Variants in TAFA2 observed in about 807,000 individuals in gnomAD.
TAFA2 encodes the protein TAFA chemokine like family member 2, also known as chemokine-like protein TAFA-2.
TAFA2 carries 7 observed loss-of-function variants against 18.8 expected under a neutral mutation model. That is an observed-to-expected ratio of 0.37 (90% confidence interval 0.21 to 0.70). The LOEUF (loss-of-function observed/expected upper bound fraction) is 0.70, where lower values mean the gene tolerates loss of function less well. Among genes scored for constraint, TAFA2 ranks in the 30% least tolerant of loss-of-function variants. The pLI, the probability that TAFA2 is intolerant of heterozygous loss-of-function variation, is 0.53. For missense variants in TAFA2, 122 were observed against 158.1 expected (o/e 0.77, Z 1.23); for synonymous variants, 60 against 54.2 (o/e 1.11, Z -0.47).
intron 1 of TAFA2, among the ~76,000 whole-genome samples, chr12:61,931,036 T>C (rs1877532558): frequency 6.6e-6 from 1 of 152,260 alleles, no homozygotes; most frequent in Non-Finnish European, 1.5e-5. Flanking sequence ...AGATCATTTA[T>C]TTCCTTATAT....
At chr12:61,952,535 A>C (rs376197397) in intron 1 of TAFA2, among the ~76,000 whole-genome samples, 1 of 152,116 alleles carries the variant, frequency 6.6e-6, no homozygotes, top group African/African-American at 2.4e-5. Context: ...GATCAACGCG[A>C]TAAACTTCAA....
At chr12:61,983,911 C>T (rs115109228) in intron 1 of TAFA2, among the ~76,000 whole-genome samples, 1,618 of 152,236 alleles carry the variant, frequency 0.011, 32 homozygotes, top group African/African-American at 0.037. Flanking sequence ...GAGTCTCCTG[C>T]TAATCAGTCT....
chr12:62,084,912 G>A (rs566585831), intron 1 of TAFA2, among the ~76,000 whole-genome samples: 25 of 152,212 alleles, frequency 1.6e-4, no homozygotes, highest in African/African-American at 5.8e-4. Flanking sequence ...AGCCATGCAC[G>A]GAGGTAAACA....
chr12:62,106,094 A>T (rs1869437566), intron 1 of TAFA2, among the ~76,000 whole-genome samples: 1 of 152,158 alleles, frequency 6.6e-6, no homozygotes, highest in African/African-American at 2.4e-5. Context: ...GCACTTAGGG[A>T]GGCCAAGGTG....
intron 2 of TAFA2, among the ~76,000 whole-genome samples, chr12:61,802,810 T>C (rs1263781550): frequency 1.3e-5 from 2 of 152,062 alleles, no homozygotes; most frequent in Non-Finnish European, 2.9e-5. Context: ...TTTTATTTGA[T>C]CATTACACAT....
At chr12:61,753,778 T>C in intron 3 of TAFA2, 32 bp from the exon 4 acceptor site, 1 of 1,582,494 alleles carries the variant, frequency 6.3e-7, no homozygotes, top group Non-Finnish European at 8.6e-7. Context: ...GACTCAACAT[T>C]TTTTTCTTGG....
chr12:62,139,320 G>T (rs1208690242), intron 1 of TAFA2, among the ~76,000 whole-genome samples: 1 of 152,160 alleles, frequency 6.6e-6, no homozygotes, highest in Non-Finnish European at 1.5e-5. Flanking sequence ...ATTACTGAAT[G>T]TTATAAAATG....
intron 1 of TAFA2, among the ~76,000 whole-genome samples, chr12:62,210,817 C>T (rs2062710123): frequency 6.6e-6 from 1 of 152,006 alleles, no homozygotes; most frequent in African/African-American, 2.4e-5. Context: ...AGAACATAAT[C>T]GTATGTGAGG....
chr12:62,161,607 A>G (rs371043759), intron 1 of TAFA2, among the ~76,000 whole-genome samples: 2 of 152,254 alleles, frequency 1.3e-5, no homozygotes, highest in East Asian at 3.9e-4. Flanking sequence ...AGTGTAGGTT[A>G]TTCAGGTGAT....
intron 2 of TAFA2, among the ~76,000 whole-genome samples, chr12:61,809,889 C>A (rs1452773763): frequency 1.3e-5 from 2 of 151,232 alleles, no homozygotes; most frequent in Non-Finnish European, 2.9e-5. Context: ...GTGTTTGAGA[C>A]CATCAATGTG....
intron 2 of TAFA2, among the ~76,000 whole-genome samples, chr12:61,761,291 C>T (rs1265202535): frequency 6.6e-6 from 1 of 151,914 alleles, no homozygotes; most frequent in Non-Finnish European, 1.5e-5. Flanking sequence ...TGACATTTGA[C>T]TTATACAGGC....
intron 4 of TAFA2, among the ~76,000 whole-genome samples, chr12:61,732,803 G>C (rs2120660736): frequency 6.6e-6 from 1 of 151,920 alleles, no homozygotes; most frequent in African/African-American, 2.4e-5. Context: ...CCTGCTAAAT[G>C]TTTTCAGCTG....
chr12:62,105,231 A>G (rs1165307080), intron 1 of TAFA2, among the ~76,000 whole-genome samples: 2 of 152,224 alleles, frequency 1.3e-5, no homozygotes, highest in African/African-American at 4.8e-5. Flanking sequence ...ACAAAATGAA[A>G]ATGGTTTCTA....
At chr12:62,069,269 A>G (rs1170364722) in intron 1 of TAFA2, among the ~76,000 whole-genome samples, 1 of 152,182 alleles carries the variant, frequency 6.6e-6, no homozygotes, top group African/African-American at 2.4e-5. Flanking sequence ...GGCAGGAAAG[A>G]ATCAAAACAG....
chr12:61,892,819 A>G (rs1405774099), intron 1 of TAFA2, among the ~76,000 whole-genome samples: 1 of 152,236 alleles, frequency 6.6e-6, no homozygotes, highest in Admixed American at 6.5e-5. Flanking sequence ...AGCCTAGGTG[A>G]CAGAGTGAGA....
At chr12:62,001,191 G>T (rs1407436635) in intron 1 of TAFA2, among the ~76,000 whole-genome samples, 1 of 152,054 alleles carries the variant, frequency 6.6e-6, no homozygotes. Flanking sequence ...TAAAATAAAT[G>T]TATTGAACTG....
At chr12:62,044,570 T>C (rs1033855480) in intron 1 of TAFA2, among the ~76,000 whole-genome samples, 1 of 152,124 alleles carries the variant, frequency 6.6e-6, no homozygotes, top group African/African-American at 2.4e-5. Context: ...CTAATAAACA[T>C]GAAGATGGCA....
intron 1 of TAFA2, among the ~76,000 whole-genome samples, chr12:62,182,144 T>C (rs990869138): frequency 5.9e-5 from 9 of 152,186 alleles, no homozygotes; most frequent in African/African-American, 1.9e-4. Flanking sequence ...TACTAGAATA[T>C]ATTGATATAT....
intron 1 of TAFA2, among the ~76,000 whole-genome samples, chr12:62,165,257 C>T (rs2062430982): frequency 6.6e-6 from 1 of 152,042 alleles, no homozygotes; most frequent in South Asian, 2.1e-4. Flanking sequence ...TGCCCTTTAA[C>T]CTGAGCAACA....
Sources: gnomAD v4.1 joint callset for allele counts (sites outside exome capture counted in the v4.1 genomes callset) on GRCh38, gnomAD v4.1.1 for gene constraint, MANE v1.5 for transcripts, NCBI Gene and HGNC (gene_info 2026-07-23, HGNC 2026-07-21) for gene names.